MEIOC: variants seen among roughly 807,000 people sequenced by gnomAD.
The protein encoded by MEIOC is meiosis specific with coiled-coil domain, also known as meiosis-specific coiled-coil domain-containing protein MEIOC.
In MEIOC, 9 loss-of-function variants were observed where a neutral mutation model predicts 85.3. That is an observed-to-expected ratio of 0.11 (90% CI 0.06 to 0.18). The LOEUF is 0.18. MEIOC is among the 10% of genes least tolerant of loss of function. The pLI is 1.00. For synonymous variants in MEIOC, 365 were observed against 393.7 expected (o/e 0.93, Z 0.86); for missense variants, 898 against 1,129.4 (o/e 0.80, Z 2.94).
At chr17:44,670,735 C>T (rs577540878) in intron 6 of MEIOC, 2 of 146,504 alleles carry the variant, frequency 1.4e-5, no homozygotes, top group African/African-American at 4.9e-5. Flanking sequence ...GACAGGGTTT[C>T]GCCATGTTGC....
chr17:44,656,717 G>A (rs1490234719), intron 1 of MEIOC, 35 bp downstream of exon 1: 1 of 1,442,842 alleles, frequency 6.9e-7, no homozygotes, highest in South Asian at 1.3e-5. Flanking sequence ...CCAGGGGGCG[G>A]CCAGACTTGC....
chr17:44,657,863 G>GT (rs1206902292), intron 2 of MEIOC, among the ~76,000 whole-genome samples: 4 of 145,658 alleles, frequency 2.7e-5, no homozygotes, highest in Non-Finnish European at 3.0e-5. Context: ...GTTTTGTTTT[G>GT]TTTTTTGAGA....
intron 3 of MEIOC, among the ~76,000 whole-genome samples, chr17:44,664,265 G>A (rs1380555697): frequency 6.6e-6 from 1 of 152,142 alleles, no homozygotes; most frequent in East Asian, 1.9e-4. Flanking sequence ...GGGAGGCTGA[G>A]GCAGGAGAAC....
Position 44,668,313 on chromosome 17 carries a change from A to G in MEIOC, c.2322+80A>G, listed in dbSNP as rs1357364257. On this transcript the variant is annotated intron_variant, in intron 5 of 7. Coordinates refer to ENST00000409122, the MANE Select transcript of MEIOC (RefSeq NM_001145080.3). ...ATTCTGTTTACCTTAGTGTAGTGTAAGAGTACTTGCCTTATTTCTTTTTGC... is the reference window on the plus strand; with the variant it reads ...ATTCTGTTTACCTTAGTGTAGTGTAGGAGTACTTGCCTTATTTCTTTTTGC... 9 of 1,247,294 alleles carry G rather than the reference A, an allele frequency of 7.2e-6. No homozygotes were observed. In the East Asian group the frequency reaches 2.1e-4, roughly 29 times the overall value. The allele number at this position is 1,247,294 out of a possible 1,614,324, so 77.3% of individuals were successfully genotyped here. A position where few individuals can be genotyped will look rare whatever the true frequency, so the allele number is the denominator to read the frequency against.
At chr17:44,666,292 T>C in intron 4 of MEIOC, 84 bp from the exon 5 acceptor site, 3 of 1,189,432 alleles carry the variant, frequency 2.5e-6, no homozygotes, top group Non-Finnish European at 3.5e-6. Flanking sequence ...GATAAATGTT[T>C]TTGAAGACCT....
At position 44,667,629 on chromosome 17, in the gene MEIOC, T is replaced by C. The variant is rs1971928777; in HGVS notation, c.1718T>C (p.Leu573Pro). Residue 573 changes from leucine (L) to proline (P), a missense_variant, in exon 5 of 8, where the codon CTC (leucine) becomes CCC (proline). Coordinates refer to ENST00000409122, the MANE Select transcript of MEIOC (RefSeq NM_001145080.3). ...CTAACAAAGCCTGGAGAAGAAAATCTCTTCAAATTGGTTACGGATAAAAAA... is the reference window on the plus strand; with the variant it reads ...CTAACAAAGCCTGGAGAAGAAAATCCCTTCAAATTGGTTACGGATAAAAAA... The part of the protein sequence containing the change: ...EGLTKPGEEN[L>P]FKLVTDKKIK... The C allele has an allele frequency of 6.2e-7, 1 of 1,612,836 alleles. No homozygotes were observed. Among genetic ancestry groups the C allele is most frequent in the Non-Finnish European group, 8.5e-7 (1 of 1,179,480 alleles).
At chr17:44,676,942 TG>T, downstream of MEIOC, 1 of 984,970 alleles carries the variant, frequency 1.0e-6, no homozygotes, top group Non-Finnish European at 1.2e-6. Flanking sequence ...CTCTATTTTC[TG>T]TTTAAGCATT....
intron 2 of MEIOC, among the ~76,000 whole-genome samples, chr17:44,661,021 C>T (rs1159425263): frequency 6.6e-6 from 1 of 152,026 alleles, no homozygotes; most frequent in Non-Finnish European, 1.5e-5. Flanking sequence ...CAATGGCTCA[C>T]GCCTGTAATC....
intron 6 of MEIOC, among the ~76,000 whole-genome samples, chr17:44,672,844 T>C (rs985798220): frequency 2.0e-5 from 3 of 152,204 alleles, no homozygotes; most frequent in African/African-American, 7.2e-5. Context: ...TAAATCAGTA[T>C]TTTCTGTATT....
chr17:44,663,133 T>A (rs1245351054), intron 3 of MEIOC, among the ~76,000 whole-genome samples: 1 of 152,254 alleles, frequency 6.6e-6, no homozygotes, highest in Non-Finnish European at 1.5e-5. Flanking sequence ...AACAGGGTTT[T>A]ATCAAACATA....
rs149045680 is a variant in MEIOC at position 44,667,326 on chromosome 17, A to G, written c.1415A>G (p.Asn472Ser). 82 of 1,613,866 alleles carry G rather than the reference A, an allele frequency of 5.1e-5. No individual in the cohort carries two copies. The African/African-American group carries it at 6.8e-4, about 13-fold the overall frequency. Residue 472 changes from asparagine to serine, a missense_variant, in exon 5 of 8, where the codon AAT (asparagine) becomes AGT (serine). Coordinates refer to ENST00000409122, the MANE Select transcript of MEIOC (RefSeq NM_001145080.3). ...SNSATSSGGI[N>S]LNRPTWMNVQ... ...TCAGCAACATCTTCAGGAGGTATCAATTTAAACAGACCAACTTGGATGAAT... is the reference window on the plus strand; with the variant it reads ...TCAGCAACATCTTCAGGAGGTATCAGTTTAAACAGACCAACTTGGATGAAT...
intron 2 of MEIOC, among the ~76,000 whole-genome samples, chr17:44,658,421 C>T (rs1428303148): frequency 6.6e-6 from 1 of 151,750 alleles, no homozygotes; most frequent in African/African-American, 2.4e-5. Flanking sequence ...TCCCAAAGTG[C>T]TGGGATTACA....
chr17:44,673,807 T>C (rs1972040941), intron 7 of MEIOC, 169 bp from the exon 8 acceptor site: 1 of 829,588 alleles, frequency 1.2e-6, no homozygotes, highest in Non-Finnish European at 1.8e-6. Flanking sequence ...TATCAATACT[T>C]TTAAATATTT....
Position 44,674,408 on chromosome 17 carries a change from CTCAGAGT to C in MEIOC, c.*215_*221del. The C allele has an allele frequency of 7.5e-7, 1 of 1,328,918 alleles. No individual in the cohort carries two copies. The highest frequency in any genetic ancestry group is 9.6e-7 in the Non-Finnish European group (1 of 1,038,236). 82.3% of individuals were successfully genotyped at this position (1,328,918 alleles called of 1,614,324 possible). A position where few individuals can be genotyped will look rare whatever the true frequency, so the allele number is the denominator to read the frequency against. On this transcript the variant is annotated 3_prime_UTR_variant, in exon 8 of 8. Transcript: ENST00000409122. ...GTAAACGCAAAGGTACAGTTGACTA[CTCAGAGT>C]TCTGAGTAGTCAGATAACAAGTTTA... is the stretch of plus-strand genomic sequence containing the variant.
chr17:44,658,747 C>T (rs1485321889), intron 2 of MEIOC, among the ~76,000 whole-genome samples: 2 of 145,240 alleles, frequency 1.4e-5, no homozygotes, highest in East Asian at 4.1e-4. Flanking sequence ...GAGCCAAGAT[C>T]ATGCCACTGC....
chr17:44,667,119 A>C lies in MEIOC; in HGVS notation c.1208A>C (p.Glu403Ala). Residue 403 changes from glutamate to alanine, a missense_variant, in exon 5 of 8, where the codon GAG (glutamate) becomes GCG (alanine). This residue lies in a region of MEIOC where 734 missense variants were observed against 860.1 expected (regional missense o/e 0.85). Transcript: ENST00000409122. ...CCAAAAACTACGCCACATCTGACAG[A>C]GAAACAGTTTGCAAAGGAAGCAGTA... ...TFPKTTPHLTEKQFAKEAVFT... is the reference protein window; with the variant it reads ...TFPKTTPHLTAKQFAKEAVFT... 1 of 1,613,910 alleles carries C rather than the reference A, an allele frequency of 6.2e-7. No homozygotes were observed.
In MEIOC at chr17:44,667,615, T is replaced by A; in HGVS notation, c.1704T>A (p.Pro568=). Residue 568 remains proline (P), a synonymous_variant, in exon 5 of 8, where the codon CCT becomes CCA. Transcript: ENST00000409122. ...ATCACATAGAAGGACTAACAAAGCCTGGAGAAGAAAATCTCTTCAAATTGG... is the reference window on the plus strand; with the variant it reads ...ATCACATAGAAGGACTAACAAAGCCAGGAGAAGAAAATCTCTTCAAATTGG... The part of the protein sequence containing the change: ...SVNHIEGLTK[P]GEENLFKLVT... 1 of 1,613,280 alleles carries A rather than the reference T, an allele frequency of 6.2e-7. No individual in the cohort carries two copies. Among genetic ancestry groups the A allele is most frequent in the Non-Finnish European group, 8.5e-7 (1 of 1,179,626 alleles).
downstream of MEIOC, among the ~76,000 whole-genome samples, chr17:44,676,673 T>C (rs1001485310): frequency 6.6e-6 from 1 of 151,936 alleles, no homozygotes; most frequent in Admixed American, 6.6e-5. Flanking sequence ...ATACAAAAAA[T>C]TAGCTGGGTG....
chr17:44,658,925 T>C (rs933685444), intron 2 of MEIOC, among the ~76,000 whole-genome samples: 2 of 152,136 alleles, frequency 1.3e-5, no homozygotes, highest in African/African-American at 4.8e-5. Context: ...GATTAAAATA[T>C]GTTTTTTTTC....
Sources: gnomAD v4.1 joint callset for allele counts (sites outside exome capture counted in the v4.1 genomes callset) on GRCh38, gnomAD v4.1.1 for gene constraint, gnomAD v4.1.1 regional missense constraint, MANE v1.5 for transcripts, NCBI Gene and HGNC (gene_info 2026-07-23, HGNC 2026-07-21) for gene names.